The following TAF1 variants were observed in gnomAD, a reference collection of about 807,000 sequenced individuals.
TAF1 encodes transcription initiation factor TFIID subunit 1.
A neutral mutation model predicts 138.5 loss-of-function variants in TAF1; 2 were observed. The observed-to-expected ratio is 0.01, with a 90% CI of 0.01 to 0.05. The LOEUF is 0.05. Ranked by LOEUF, TAF1 falls within the 10% of genes least tolerant of loss-of-function variation. The pLI, the probability that TAF1 is intolerant of heterozygous loss-of-function variation, is 1.00. For missense variants in TAF1, 709 were observed against 1,478.0 expected, an observed-to-expected ratio of 0.48 and a Z score of 8.53; for synonymous variants, 437 against 503.2, an observed-to-expected ratio of 0.87 and a Z score of 1.76.
intron 32 of TAF1, among the ~76,000 whole-genome samples, chrX:71,444,030 C>T (rs776028579): frequency 4.5e-5 from 5 of 110,143 alleles, no homozygotes; most frequent in African/African-American, 9.9e-5. Flanking sequence ...CTTTTTGAGA[C>T]GGAGTCTTGC....
chrX:71,382,395 C>CT (rs1212142214), intron 9 of TAF1, 141 bp from the exon 10 acceptor site: 5 of 814,836 alleles, frequency 6.1e-6, no homozygotes, highest in African/African-American at 2.3e-5. Flanking sequence ...TAGAAGTTAC[C>CT]TGGGGGGGGG....
chrX:71,517,011 G>T (rs907506083), intron 13 of TAF1, among the ~76,000 whole-genome samples: 34 of 111,293 alleles, frequency 3.1e-4, no homozygotes, highest in African/African-American at 9.1e-4. Flanking sequence ...TTTACAGGCT[G>T]TTGGGTGTTT....
intron 17 of TAF1, 49 bp downstream of exon 17, chrX:71,388,917 T>G (rs777795789): frequency 3.5e-6 from 4 of 1,155,203 alleles, no homozygotes; most frequent in Non-Finnish European, 4.6e-6. Context: ...TTTTTTGTTT[T>G]TTTTTTTCTT....
chrX:71,394,714 C>T (rs1772408753), intron 22 of TAF1, among the ~76,000 whole-genome samples: 1 of 111,994 alleles, frequency 8.9e-6, no homozygotes, highest in African/African-American at 3.2e-5. Flanking sequence ...TTACTGCAGC[C>T]CCCGCCTCCC....
chrX:71,454,065 A>T (rs980254206), intron 32 of TAF1, 105 bp from the exon 33 acceptor site: 5 of 685,809 alleles, frequency 7.3e-6, no homozygotes, highest in Admixed American at 6.2e-5. Context: ...AAGCTGAGGC[A>T]TGGTTTTTCT....
At chrX:71,424,336 TCTTG>T (rs2036493331) in intron 32 of TAF1, 98 bp downstream of exon 32, 9 of 631,113 alleles carry the variant, frequency 1.4e-5, no homozygotes, top group Non-Finnish European at 1.9e-5. Context: ...TGAGACAGGA[TCTTG>T]CTCTCTTACC....
downstream of TAF1, among the ~76,000 whole-genome samples, chrX:71,469,145 TAAA>T (rs1168266521): frequency 1.8e-5 from 2 of 110,436 alleles, no homozygotes; most frequent in Non-Finnish European, 3.8e-5. Context: ...TCTACTAAAA[TAAA>T]AAAACAATTA....
At chrX:71,375,081 A>AC (rs1346158285) in intron 3 of TAF1, 86 bp from the exon 4 acceptor site, 1 of 1,133,485 alleles carries the variant, frequency 8.8e-7, no homozygotes, top group African/African-American at 1.9e-5. Flanking sequence ...GTCTCAAAAA[A>AC]AAAAAAAAAA....
chrX:71,463,933 GAGC>G lies in TAF1; in HGVS notation c.5513_5515del (p.Gln1838del). 8.3e-7 allele frequency: 1 copy of G among 1,207,915 alleles called. No homozygotes were observed. The highest frequency in any genetic ancestry group is 1.1e-6 in the Non-Finnish European group (1 of 893,390). ...GGAGGAAGAAGATGAGGAGGAGGAA[GAGC>G]AGCGCTCTGGGCCGAGCGTACTAAG... On this transcript the variant is annotated inframe_deletion, in exon 38 of 38. Transcript: ENST00000423759.
At chrX:71,456,649 C>CTTTTTTTTTTTTTTTTTTTTTTTTTT (rs776321706) in intron 34 of TAF1, among the ~76,000 whole-genome samples, 2 of 26,828 alleles carry the variant, frequency 7.5e-5, no homozygotes, top group African/African-American at 3.2e-4. Context: ...AATGTATTTT[C>CTTTTTTTTTTTTTTTTTTTTTTTTTT]TTTTTTTTTT....
intron 28 of TAF1, among the ~76,000 whole-genome samples, chrX:71,418,046 A>G (rs1460271079): frequency 1.8e-5 from 2 of 111,986 alleles, no homozygotes; most frequent in Non-Finnish European, 3.8e-5. Flanking sequence ...CTGTCTTGCA[A>G]TAATTTATTT....
At chrX:71,442,125 C>CAT (rs749115480) in intron 32 of TAF1, among the ~76,000 whole-genome samples, 15 of 111,880 alleles carry the variant, frequency 1.3e-4, no homozygotes, top group Admixed American at 2.9e-4. Flanking sequence ...CCGCAATAAA[C>CAT]ATGTGTGCAT....
chrX:71,500,872 G>A (rs958155210), intron 13 of TAF1, among the ~76,000 whole-genome samples: 2 of 109,279 alleles, frequency 1.8e-5, no homozygotes, highest in African/African-American at 6.7e-5. Context: ...AGATCAGCCT[G>A]GCCAACATGG....
chrX:71,422,089 C>A (rs1267524944), intron 29 of TAF1, among the ~76,000 whole-genome samples: 2 of 111,824 alleles, frequency 1.8e-5, no homozygotes, highest in Admixed American at 1.9e-4. Context: ...GGGTTAGGTC[C>A]CATTACGCAA....
chrX:71,392,136 C>T (rs1301618459), intron 18 of TAF1, among the ~76,000 whole-genome samples: 1 of 111,661 alleles, frequency 9.0e-6, no homozygotes, highest in East Asian at 2.8e-4. Flanking sequence ...TCAAGTATTT[C>T]GAGAAAATAG....
At chrX:71,424,563 A>G (rs1482953098) in intron 32 of TAF1, among the ~76,000 whole-genome samples, 2 of 109,200 alleles carry the variant, frequency 1.8e-5, no homozygotes, top group African/African-American at 6.7e-5. Flanking sequence ...ATTAAAATTT[A>G]TGTGCGTAAA....
downstream of TAF1, among the ~76,000 whole-genome samples, chrX:71,467,135 C>T (rs1329445521): frequency 3.3e-5 from 3 of 91,493 alleles, no homozygotes; most frequent in Non-Finnish European, 6.4e-5. Context: ...GGGTGTTTCT[C>T]GGAGAGGGGG....
Position 71,456,649 on chromosome X carries a change from C to CTTTTTTTTTTTTTTTTTTTTT in TAF1, c.4939-1569_4939-1549dup, listed in dbSNP as rs776321706. Among the ~76,000 whole-genome samples the CTTTTTTTTTTTTTTTTTTTTT allele has an allele frequency of 3.0e-4, 8 of 26,828 alleles. 1 individual carries two copies. Among genetic ancestry groups the CTTTTTTTTTTTTTTTTTTTTT allele is most frequent in the South Asian group, 2.7e-3 (1 of 375 alleles). The allele number at this position is 26,828 out of a possible 115,157, so 23.3% of individuals were successfully genotyped here. On this transcript the variant is annotated intron_variant, in intron 34 of 37. Transcript: ENST00000423759. Reference sequence around the variant, plus strand: ...ATGGTGGTGGTCAATAATGTATTTTCTTTTTTTTTTTTTTTTTTTTTTTTT... The same window carrying CTTTTTTTTTTTTTTTTTTTTT: ...ATGGTGGTGGTCAATAATGTATTTTCTTTTTTTTTTTTTTTTTTTTTTTTTTTTTTTTTTTTTTTTTTTTTT...
intron 13 of TAF1, among the ~76,000 whole-genome samples, chrX:71,524,955 A>AT (rs1351935374): frequency 9.2e-6 from 1 of 109,269 alleles, no homozygotes; most frequent in Non-Finnish European, 1.9e-5. Flanking sequence ...AAAAAAAAAA[A>AT]GGAAAATTAA....
Sources: allele counts gnomAD v4.1 joint callset (sites outside exome capture counted in the v4.1 genomes callset), GRCh38; gene constraint gnomAD v4.1.1; transcripts MANE v1.5; gene names NCBI Gene and HGNC (gene_info 2026-07-23, HGNC 2026-07-21).